The following SOHLH2 variants were observed in gnomAD, a reference collection of about 807,000 sequenced individuals.
The protein encoded by SOHLH2 is spermatogenesis- and oogenesis-specific basic helix-loop-helix-containing protein 2.
Under a neutral mutation model 50.4 loss-of-function variants are expected in SOHLH2, and 22 were observed. The observed-to-expected ratio is 0.44, with a 90% CI of 0.31 to 0.62. The LOEUF is 0.62. SOHLH2 is among the 20% of genes least tolerant of loss of function. SOHLH2 has a pLI of 0.08. For missense variants in SOHLH2, 412 were observed against 504.4 expected, an observed-to-expected ratio of 0.82 and a Z score of 1.76; for synonymous variants, 185 against 187.3, an observed-to-expected ratio of 0.99 and a Z score of 0.10.
At chr13:36,190,167 T>C in intron 5 of SOHLH2, 111 bp from the exon 6 acceptor site, 1 of 931,664 alleles carries the variant, frequency 1.1e-6, no homozygotes, top group African/African-American at 1.7e-5. Context: ...GTCTCTTGCT[T>C]CATACAAAGG....
At chr13:36,210,771 C>G (rs1480830521) in intron 1 of SOHLH2, among the ~76,000 whole-genome samples, 1 of 152,112 alleles carries the variant, frequency 6.6e-6, no homozygotes, top group Non-Finnish European at 1.5e-5. Flanking sequence ...AACTTATTTC[C>G]TTCTACTTCC....
intron 2 of SOHLH2, among the ~76,000 whole-genome samples, chr13:36,199,901 T>C (rs942002670): frequency 3.3e-5 from 5 of 152,222 alleles, no homozygotes; most frequent in African/African-American, 1.2e-4. Flanking sequence ...CCAGCCATAT[T>C]GAATTGTCTG....
At chr13:36,210,204 G>A (rs1358944440) in intron 1 of SOHLH2, among the ~76,000 whole-genome samples, 2 of 152,128 alleles carry the variant, frequency 1.3e-5, no homozygotes, top group Non-Finnish European at 2.9e-5. Flanking sequence ...AGTCCACAGG[G>A]TAAATCCAGG....
In SOHLH2 at chr13:36,201,744, AC is replaced by A. The variant is rs1868430211; in HGVS notation, c.263+134del. Reference sequence around the variant, plus strand: ...ATCGGCCTCTCAAAGTGCCAGGATTACACGCATGAGCCAATCCCTGGCCCCT... The same window carrying A: ...ATCGGCCTCTCAAAGTGCCAGGATTAACGCATGAGCCAATCCCTGGCCCCT... On this transcript the variant is annotated intron_variant, in intron 2 of 10. Coordinates refer to ENST00000379881, the MANE Select transcript of SOHLH2 (RefSeq NM_017826.3). 10 of 1,310,022 alleles carry A rather than the reference AC, an allele frequency of 7.6e-6. 1 individual carries two copies. The South Asian group carries it at 1.6e-4, about 20-fold the overall frequency. The allele number at this position is 1,310,022 out of a possible 1,614,324, so 81.1% of individuals were successfully genotyped here. A position where few individuals can be genotyped will look rare whatever the true frequency, so the allele number is the denominator to read the frequency against.
intron 6 of SOHLH2, among the ~76,000 whole-genome samples, chr13:36,181,440 A>T (rs954337405): frequency 5.3e-5 from 8 of 152,008 alleles, no homozygotes; most frequent in African/African-American, 1.9e-4. Context: ...AAATATTTTT[A>T]AAAATCCAAT....
At chr13:36,169,366 C>G (rs564597638) in intron 10 of SOHLH2, among the ~76,000 whole-genome samples, 1 of 152,276 alleles carries the variant, frequency 6.6e-6, no homozygotes, top group Non-Finnish European at 1.5e-5. Flanking sequence ...AGCAACATTA[C>G]GATATCTGTA....
chr13:36,184,309 T>C (rs1194187665), intron 6 of SOHLH2, among the ~76,000 whole-genome samples: 1 of 152,090 alleles, frequency 6.6e-6, no homozygotes, highest in Non-Finnish European at 1.5e-5. Context: ...TTGAACTGAA[T>C]GATAGTGGAA....
In SOHLH2 at chr13:36,202,159, GAGAGGATA is replaced by G. The variant is rs1868458463; in HGVS notation, c.49-74_49-67del. ...TAGGCATAGGGAAAATGTCATGTAT[GAGAGGATA>G]AGATAAATAAAGCTCACAAATAACA... On this transcript the variant is annotated intron_variant, in intron 1 of 10. Transcript: ENST00000379881. 4 of 1,568,762 alleles carry G rather than the reference GAGAGGATA, an allele frequency of 2.5e-6. No individual in the cohort carries two copies. The South Asian group carries it at 4.5e-5, about 18-fold the overall frequency.
At chr13:36,171,576 C>A (rs1593932734) in intron 9 of SOHLH2, among the ~76,000 whole-genome samples, 1 of 152,316 alleles carries the variant, frequency 6.6e-6, no homozygotes, top group East Asian at 1.9e-4. Context: ...AGAGCCTATA[C>A]ATACATTCAC....
At chr13:36,172,191 T>C (rs1048093897) in intron 9 of SOHLH2, among the ~76,000 whole-genome samples, 2 of 152,190 alleles carry the variant, frequency 1.3e-5, no homozygotes, top group African/African-American at 4.8e-5. Context: ...TAGAAAGGCC[T>C]GAACTCGCTG....
intron 2 of SOHLH2, among the ~76,000 whole-genome samples, chr13:36,196,286 G>A (rs1593952751): frequency 6.6e-6 from 1 of 151,760 alleles, no homozygotes; most frequent in Non-Finnish European, 1.5e-5. Flanking sequence ...CATTACACTT[G>A]GCTATTTTTT....
At chr13:36,204,184 C>T (rs142314680) in intron 1 of SOHLH2, among the ~76,000 whole-genome samples, 47 of 152,130 alleles carry the variant, frequency 3.1e-4, no homozygotes, top group African/African-American at 1.0e-3. Context: ...CTCCTGACCT[C>T]GGGTGATCCG....
chr13:36,206,993 GT>G (rs1431654431), intron 1 of SOHLH2, among the ~76,000 whole-genome samples: 1 of 151,512 alleles, frequency 6.6e-6, no homozygotes, highest in East Asian at 1.9e-4. Flanking sequence ...GCCCTTTAAT[GT>G]TTTTCACCTC....
At chr13:36,214,087 T>A (rs988820133) in intron 1 of SOHLH2, among the ~76,000 whole-genome samples, 8 of 151,910 alleles carry the variant, frequency 5.3e-5, no homozygotes, top group South Asian at 2.1e-4. Context: ...TATTGAGTAA[T>A]TGATGTGATG....
intron 1 of SOHLH2, among the ~76,000 whole-genome samples, chr13:36,203,210 T>A (rs985106518): frequency 6.6e-6 from 1 of 152,358 alleles, no homozygotes; most frequent in Admixed American, 6.5e-5. Context: ...ATAAGTACGA[T>A]ACACACATAC....
chr13:36,169,140 A>G, intron 10 of SOHLH2, 86 bp from the exon 11 acceptor site: 1 of 1,474,414 alleles, frequency 6.8e-7, no homozygotes, highest in Admixed American at 2.4e-5. Context: ...CTATATCCTA[A>G]AACAATCTGA....
intron 1 of SOHLH2, among the ~76,000 whole-genome samples, chr13:36,203,106 C>T (rs1868523688): frequency 6.6e-6 from 1 of 152,176 alleles, no homozygotes. Context: ...CCTTCCTTTA[C>T]CATCTCTCAT....
At position 36,193,655 on chromosome 13, in the gene SOHLH2, C is replaced by T. The variant is rs1887640601; in HGVS notation, c.396G>A (p.Val132=). The T allele has an allele frequency of 6.2e-7, 1 of 1,612,066 alleles. No individual in the cohort carries two copies. Among genetic ancestry groups the T allele is most frequent in the Non-Finnish European group, 8.5e-7 (1 of 1,179,536 alleles). Reference sequence around the variant, plus strand: ...AGGGACATGTTGTCCAGTATTTTACCACATTACTCATTTTTTCCATTGTCA... The same window carrying T: ...AGGGACATGTTGTCCAGTATTTTACTACATTACTCATTTTTTCCATTGTCA... ...EPLTMEKMSN[V]VKYWTTCPSN... The change falls in exon 4 of 11, where the codon GTG becomes GTA. Residue 132 remains valine (V), a synonymous_variant. Transcript: ENST00000379881.
intron 8 of SOHLH2, 104 bp downstream of exon 8, chr13:36,174,372 C>A: frequency 6.8e-7 from 1 of 1,471,876 alleles, no homozygotes; most frequent in Non-Finnish European, 9.3e-7. Context: ...CTTAATAAGC[C>A]CCTGCACTTT....
Sources: allele counts gnomAD v4.1 joint callset (sites outside exome capture counted in the v4.1 genomes callset), GRCh38; gene constraint gnomAD v4.1.1; transcripts MANE v1.5; gene names NCBI Gene and HGNC (gene_info 2026-07-23, HGNC 2026-07-21).